Variants in UBALD1 observed in about 807,000 individuals in gnomAD.
The protein encoded by UBALD1 is UBA like domain containing 1.
In UBALD1, 5 loss-of-function variants were observed where a neutral mutation model predicts 16.1. That is an observed-to-expected ratio of 0.31 (90% CI 0.16 to 0.66). UBALD1 has a LOEUF of 0.66. Ranked by LOEUF, UBALD1 falls within the 30% of genes least tolerant of loss-of-function variation. The pLI is 0.77. For missense variants in UBALD1, 220 were observed against 252.8 expected (o/e 0.87, Z 0.88); for synonymous variants, 146 against 105.3 (o/e 1.39, Z -2.37).
chr16:4,614,372 G>A, intron 1 of UBALD1: 2 of 369,900 alleles, frequency 5.4e-6, no homozygotes, highest in Non-Finnish European at 4.8e-6. Flanking sequence ...CTGCACCGCG[G>A]GGCCGCCCGG....
chr16:4,610,663 A>G, intron 1 of UBALD1, 108 bp from the exon 2 acceptor site: 1 of 1,291,556 alleles, frequency 7.7e-7, no homozygotes, highest in Non-Finnish European at 1.1e-6. Context: ...TGGACTGCTG[A>G]GTGGGAGGGG....
At chr16:4,612,726 G>T (rs1043650660) in intron 1 of UBALD1, among the ~76,000 whole-genome samples, 1 of 152,156 alleles carries the variant, frequency 6.6e-6, no homozygotes, top group Non-Finnish European at 1.5e-5. Flanking sequence ...GCAGCCAGCG[G>T]GTGGAGCGTG....
At chr16:4,612,435 CAG>C (rs1333770230) in intron 1 of UBALD1, among the ~76,000 whole-genome samples, 1 of 152,072 alleles carries the variant, frequency 6.6e-6, no homozygotes, top group Non-Finnish European at 1.5e-5. Flanking sequence ...TGTCCCTAAA[CAG>C]GGGTGTGGGA....
In UBALD1 at chr16:4,610,217, C is replaced by T. The variant is rs533490974; in HGVS notation, c.184-234G>A. On this transcript the variant is annotated intron_variant, in intron 2 of 2. Transcript: ENST00000283474. ...CTGGGGCCACGAGGCTTTCCCAGCC[C>T]ACCCCTTTCCATCAGCCACAGCATC... is the stretch of plus-strand genomic sequence containing the variant. 79 of 711,132 alleles carry T rather than the reference C, an allele frequency of 1.1e-4. No individual in the cohort carries two copies. The East Asian group carries it at 1.7e-3, about 15-fold the overall frequency. 44.1% of individuals were successfully genotyped at this position (711,132 alleles called of 1,614,324 possible). A position where few individuals can be genotyped will look rare whatever the true frequency, so the allele number is the denominator to read the frequency against.
intron 1 of UBALD1, chr16:4,610,761 T>C (rs563624170): frequency 1.8e-6 from 1 of 571,146 alleles, no homozygotes; most frequent in Non-Finnish European, 3.1e-6. Context: ...CTTGGGCAGT[T>C]GGGGTGGGTG....
rs1897333445 is a variant in UBALD1 at position 4,609,729 on chromosome 16, T to C, written c.438A>G (p.Pro146=). 8 of 1,492,020 alleles carry C rather than the reference T, an allele frequency of 5.4e-6. No homozygotes were observed. Among genetic ancestry groups the C allele is most frequent in the Non-Finnish European group, 7.1e-6 (8 of 1,123,810 alleles). The allele number at this position is 1,492,020 out of a possible 1,614,324, so 92.4% of individuals were successfully genotyped here. ...HHQPQPPLWT[P]TPPSPASDWP... ...AGTCTGAAGCCGGAGAAGGGGGTGT[T>C]GGAGTCCACAGGGGCGGCTGTGGCT... The change falls in exon 3 of 3, where the codon CCA becomes CCG. Residue 146 remains proline, a synonymous_variant. Transcript: ENST00000283474.
Position 4,609,508 on chromosome 16 carries a change from G to C in UBALD1, c.*125C>G. 2.2e-6 allele frequency: 1 copy of C among 447,966 alleles called. No individual in the cohort carries two copies. Among genetic ancestry groups the C allele is most frequent in the Non-Finnish European group, 3.8e-6 (1 of 263,970 alleles). The allele number at this position is 447,966 out of a possible 1,614,324, so 27.7% of individuals were successfully genotyped here. A position where few individuals can be genotyped will look rare whatever the true frequency, so the allele number is the denominator to read the frequency against. The stretch of plus-strand genomic sequence containing the variant: ...GTGTCCCTGCCTGGCTAGAGTCCGC[G>C]CTCTCCCCTCCAGGGCTCCGGGGAA... On this transcript the variant is annotated 3_prime_UTR_variant, in exon 3 of 3. Coordinates refer to ENST00000283474, the MANE Select transcript of UBALD1 (RefSeq NM_145253.3).
intron 1 of UBALD1, chr16:4,614,226 G>A (rs1331848061): frequency 6.1e-6 from 2 of 327,980 alleles, no homozygotes; most frequent in African/African-American, 4.3e-5. Context: ...AATGCACATG[G>A]ACGTGTGCGC....
Position 4,609,598 on chromosome 16 carries a change from G to A in UBALD1, c.*35C>T. 1 of 990,148 alleles carries A rather than the reference G, an allele frequency of 1.0e-6. No individual in the cohort carries two copies. Among genetic ancestry groups the A allele is most frequent in the Non-Finnish European group, 1.4e-6 (1 of 723,122 alleles). 61.3% of individuals were successfully genotyped at this position (990,148 alleles called of 1,614,324 possible). ...GAGACGTCCTCTCCCCCGCCCCACG[G>A]GGTCCTGGCCTCCGGGAGGGGGGAG... On this transcript the variant is annotated 3_prime_UTR_variant, in exon 3 of 3. Transcript: ENST00000283474.
chr16:4,614,279 T>C (rs1242602149), intron 1 of UBALD1: 2 of 354,434 alleles, frequency 5.6e-6, no homozygotes. Context: ...CTCGGACCAC[T>C]CGCCCGGAGC....
rs771357717 is a variant in UBALD1, at chr16:4,609,612, G to A, written c.*21C>T. On this transcript the variant is annotated 3_prime_UTR_variant, in exon 3 of 3. Transcript: ENST00000283474. ...CCCGCCCCACGGGGTCCTGGCCTCCGGGAGGGGGGAGGGGCCTCCCTTATC... is the reference window on the plus strand; with the variant it reads ...CCCGCCCCACGGGGTCCTGGCCTCCAGGAGGGGGGAGGGGCCTCCCTTATC... The A allele has an allele frequency of 4.1e-5, 47 of 1,160,494 alleles. No individual in the cohort carries two copies. Among genetic ancestry groups the A allele is most frequent in the East Asian group, 1.1e-4 (4 of 36,334 alleles). The allele number at this position is 1,160,494 out of a possible 1,614,324, so 71.9% of individuals were successfully genotyped here. A position where few individuals can be genotyped will look rare whatever the true frequency, so the allele number is the denominator to read the frequency against.
At position 4,609,267 on chromosome 16, in the gene UBALD1, C is replaced by T. The variant is rs542102146; in HGVS notation, c.*366G>A. On this transcript the variant is annotated 3_prime_UTR_variant, in exon 3 of 3. Transcript: ENST00000283474. ...GTGGGGGTCGAGGCCTGCCGGCCCC[C>T]AAGGAGCTCCAAGCCAGGGATCAGC... 378 of 210,374 alleles carry T rather than the reference C, an allele frequency of 1.8e-3. 1 individual carries two copies. Among genetic ancestry groups the T allele is most frequent in the African/African-American group, 7.9e-3 (348 of 43,804 alleles). 13.0% of individuals were successfully genotyped at this position (210,374 alleles called of 1,614,324 possible). A position where few individuals can be genotyped will look rare whatever the true frequency, so the allele number is the denominator to read the frequency against.
At chr16:4,610,648 C>T (rs755248161) in intron 1 of UBALD1, 93 bp from the exon 2 acceptor site, 4 of 1,412,502 alleles carry the variant, frequency 2.8e-6, no homozygotes, top group Non-Finnish European at 3.9e-6. Context: ...GGGGATGACC[C>T]TGGCTGGACT....
intron 1 of UBALD1, among the ~76,000 whole-genome samples, chr16:4,611,702 G>A (rs1897359865): frequency 6.6e-6 from 1 of 152,208 alleles, no homozygotes; most frequent in African/African-American, 2.4e-5. Context: ...AGCTCAGCAG[G>A]CTCCAGAGGT....
At chr16:4,613,407 AG>A (rs1353898329) in intron 1 of UBALD1, among the ~76,000 whole-genome samples, 1 of 152,116 alleles carries the variant, frequency 6.6e-6, no homozygotes, top group Non-Finnish European at 1.5e-5. Flanking sequence ...GGCTGGTAGG[AG>A]GGAAGTAGGC....
In UBALD1 at chr16:4,609,861, C is replaced by T. The variant is rs776547255; in HGVS notation, c.306G>A (p.Ala102=). The change falls in exon 3 of 3, where the codon GCG becomes GCA. Residue 102 remains alanine (A), a synonymous_variant. Transcript: ENST00000283474. The part of the protein sequence containing the change: ...HSGGSGSPMA[A]TATSPPPHFP... ...AGTGTGGCGGGGGTGACGTGGCTGTCGCGGCCATCGGGCTGCCGCTGCCAC... is the reference window on the plus strand; with the variant it reads ...AGTGTGGCGGGGGTGACGTGGCTGTTGCGGCCATCGGGCTGCCGCTGCCAC... 1.8e-5 allele frequency: 27 copies of T among 1,519,884 alleles called. No individual in the cohort carries two copies. Among genetic ancestry groups the T allele is most frequent in the African/African-American group, 6.9e-5 (5 of 72,304 alleles). 94.1% of individuals were successfully genotyped at this position (1,519,884 alleles called of 1,614,324 possible).
At chr16:4,610,099 C>T in intron 2 of UBALD1, 116 bp from the exon 3 acceptor site, 2 of 874,448 alleles carry the variant, frequency 2.3e-6, no homozygotes, top group Non-Finnish European at 3.7e-6. Flanking sequence ...TGTTCCTTCC[C>T]CAGATCCCCA....
chr16:4,610,644 G>C, intron 1 of UBALD1, 89 bp from the exon 2 acceptor site: 1 of 1,451,954 alleles, frequency 6.9e-7, no homozygotes, highest in Non-Finnish European at 9.4e-7. Context: ...GGCTGGGGAT[G>C]ACCCTGGCTG....
At chr16:4,613,842 A>C (rs1897387585) in intron 1 of UBALD1, 1 of 152,372 alleles carries the variant, frequency 6.6e-6, no homozygotes, top group Non-Finnish European at 1.5e-5. Context: ...CCTCCTACCC[A>C]GCTAGCCCGA....
Sources: gnomAD v4.1 joint callset for allele counts (sites outside exome capture counted in the v4.1 genomes callset) on GRCh38, gnomAD v4.1.1 for gene constraint, MANE v1.5 for transcripts, NCBI Gene and HGNC (gene_info 2026-07-23, HGNC 2026-07-21) for gene names.